SLAMF7: variants seen among roughly 807,000 people sequenced by gnomAD.
SLAMF7 encodes the protein 19A24 protein.
Under a neutral mutation model 34.1 loss-of-function variants are expected in SLAMF7, and 26 were observed. The ratio of observed to expected loss-of-function variants is 0.76; its 90% CI spans 0.56 to 1.06. The LOEUF is 1.06. Ranked by LOEUF, SLAMF7 falls within the 50% of genes least tolerant of loss-of-function variation. SLAMF7 has a pLI of 0.00. For missense variants in SLAMF7, 399 were observed against 402.5 expected, an observed-to-expected ratio of 0.99 and a Z score of 0.07; for synonymous variants, 171 against 156.4, an observed-to-expected ratio of 1.09 and a Z score of -0.70.
chr1:160,739,322 C>G lies in SLAMF7; in HGVS notation c.21C>G (p.Cys7Trp). 1 of 1,613,910 alleles carries G rather than the reference C, an allele frequency of 6.2e-7. No homozygotes were observed. Among genetic ancestry groups the G allele is most frequent in the East Asian group, 2.2e-5 (1 of 44,876 alleles). MAGSPT[C>W]LTLIYILWQL... ...GCAATATGGCTGGTTCCCCAACATG[C>G]CTCACCCTCATCTATATCCTTTGGC... The change falls in exon 1 of 7, where the codon TGC becomes TGG. Residue 7 changes from cysteine (C) to tryptophan (W), a missense_variant. By Grantham distance (215) the Cys-to-Trp change is radical. Transcript: ENST00000368043.
chr1:160,750,505 T>G, intron 4 of SLAMF7, 82 bp downstream of exon 4: 2 of 1,515,784 alleles, frequency 1.3e-6, no homozygotes, highest in South Asian at 1.3e-5. Flanking sequence ...TAGAGCTGTG[T>G]GCCAGACTTG....
intron 1 of SLAMF7, 39 bp from the exon 2 acceptor site, chr1:160,748,155 A>T (rs1411057777): frequency 1.3e-6 from 2 of 1,592,088 alleles, no homozygotes; most frequent in East Asian, 4.5e-5. Flanking sequence ...TGACAAGGAC[A>T]GGGAATCAGG....
intron 2 of SLAMF7, among the ~76,000 whole-genome samples, chr1:160,749,046 C>CAAT (rs769358596): frequency 3.3e-4 from 51 of 152,282 alleles, no homozygotes; most frequent in Admixed American, 2.8e-3. Flanking sequence ...AATTATGAAA[C>CAAT]AATGACTCAA....
intron 1 of SLAMF7, among the ~76,000 whole-genome samples, chr1:160,739,945 T>A (rs1225246958): frequency 6.6e-6 from 1 of 152,188 alleles, no homozygotes; most frequent in Non-Finnish European, 1.5e-5. Flanking sequence ...CACCTGTCAC[T>A]GGTATTCTAG....
chr1:160,754,317 T>G lies in SLAMF7; in HGVS notation c.*1140T>G, dbSNP rs1194935519. ...AGATACAAAAATTTGCTGAGCGTGG[T>G]GGTGTGCACCTGTAATCCCAGCTAC... is the stretch of plus-strand genomic sequence containing the variant. On this transcript the variant is annotated 3_prime_UTR_variant, in exon 7 of 7. Coordinates refer to ENST00000368043, the MANE Select transcript of SLAMF7 (RefSeq NM_021181.5). The G allele has an allele frequency of 6.6e-6, 1 of 152,166 alleles. No homozygotes were observed. The highest frequency in any genetic ancestry group is 2.4e-5 in the African/African-American group (1 of 41,400). 9.4% of individuals were successfully genotyped at this position (152,166 alleles called of 1,614,324 possible).
At chr1:160,741,889 C>T (rs1485303932) in intron 1 of SLAMF7, among the ~76,000 whole-genome samples, 1 of 152,130 alleles carries the variant, frequency 6.6e-6, no homozygotes, top group Non-Finnish European at 1.5e-5. Flanking sequence ...TGGGATTGGA[C>T]TAAGTAATCC....
Position 160,748,100 on chromosome 1 carries a change from G to T in SLAMF7, c.56-94G>T, listed in dbSNP as rs1664273821. The stretch of plus-strand genomic sequence containing the variant: ...AGGAGGTTGTTGTGTTGGACTGAGT[G>T]GGTTTCTCAGATCTCTCCAGGACCC... On this transcript the variant is annotated intron_variant, in intron 1 of 6. Transcript: ENST00000368043. The T allele has an allele frequency of 8.6e-6, 11 of 1,271,960 alleles. No individual in the cohort carries two copies. The South Asian group carries it at 1.5e-4, about 17-fold the overall frequency. The allele number at this position is 1,271,960 out of a possible 1,614,324, so 78.8% of individuals were successfully genotyped here. A position where few individuals can be genotyped will look rare whatever the true frequency, so the allele number is the denominator to read the frequency against.
intron 3 of SLAMF7, 86 bp from the exon 4 acceptor site, chr1:160,750,214 TGGGA>T: frequency 1.7e-5 from 27 of 1,581,290 alleles, no homozygotes; most frequent in Non-Finnish European, 2.2e-5. Context: ...GTCACCAGGC[TGGGA>T]GGAAGGTGGC....
intron 1 of SLAMF7, among the ~76,000 whole-genome samples, chr1:160,745,606 T>C (rs901669533): frequency 9.7e-4 from 147 of 152,220 alleles, no homozygotes; most frequent in Non-Finnish European, 7.3e-5. Context: ...AGAATAAATA[T>C]TTTAGGCTTT....
At chr1:160,750,161 C>G (rs1480206290) in intron 3 of SLAMF7, 68 bp downstream of exon 3, 1 of 1,581,818 alleles carries the variant, frequency 6.3e-7, no homozygotes, top group Non-Finnish European at 8.6e-7. Context: ...CTCCTAGCCC[C>G]CATGGGAACA....
At chr1:160,746,950 C>G (rs1401957752) in intron 1 of SLAMF7, among the ~76,000 whole-genome samples, 1 of 152,106 alleles carries the variant, frequency 6.6e-6, no homozygotes, top group African/African-American at 2.4e-5. Context: ...TTATAATGAG[C>G]AAAGGGTCAG....
In SLAMF7 at chr1:160,739,320, T is replaced by C; in HGVS notation, c.19T>C (p.Cys7Arg). The change falls in exon 1 of 7, where the codon TGC becomes CGC. Residue 7 changes from cysteine (C) to arginine (R), a missense_variant. Transcript: ENST00000368043. Reference sequence around the variant, plus strand: ...GAGCAATATGGCTGGTTCCCCAACATGCCTCACCCTCATCTATATCCTTTG... The same window carrying C: ...GAGCAATATGGCTGGTTCCCCAACACGCCTCACCCTCATCTATATCCTTTG... MAGSPT[C>R]LTLIYILWQL... is the part of the protein sequence containing the mutation. The C allele has an allele frequency of 6.2e-7, 1 of 1,613,970 alleles. No homozygotes were observed.
At position 160,749,919 on chromosome 1, in the gene SLAMF7, G is replaced by A; in HGVS notation, c.475G>A (p.Asp159Asn). Reference sequence around the variant, plus strand: ...ATGCTGCATGGAACATGGGGAAGAGGATGTGATTTATACCTGGAAGGCCCT... The same window carrying A: ...ATGCTGCATGGAACATGGGGAAGAGAATGTGATTTATACCTGGAAGGCCCT... ...LTCCMEHGEE[D>N]VIYTWKALGQ... The change falls in exon 3 of 7, where the codon GAT (aspartate) becomes AAT (asparagine). Residue 159 changes from aspartate (D) to asparagine (N), a missense_variant. By Grantham distance (23) the Asp-to-Asn change is conservative. Coordinates refer to ENST00000368043, the MANE Select transcript of SLAMF7 (RefSeq NM_021181.5). 3 of 1,614,156 alleles carry A rather than the reference G, an allele frequency of 1.9e-6. No homozygotes were observed. Among genetic ancestry groups the A allele is most frequent in the South Asian group, 1.1e-5 (1 of 91,084 alleles).
At chr1:160,749,613 G>GT (rs1664396309) in intron 2 of SLAMF7, among the ~76,000 whole-genome samples, 1 of 152,154 alleles carries the variant, frequency 6.6e-6, no homozygotes, top group Admixed American at 6.5e-5. Flanking sequence ...TTCTATTGTT[G>GT]TTATTGTTAT....
rs1252424011 is a variant in SLAMF7 at position 160,748,563 on chromosome 1, G to A, written c.376+49G>A. On this transcript the variant is annotated intron_variant, in intron 2 of 6. Transcript: ENST00000368043. Reference sequence around the variant, plus strand: ...TGGATGGCTGCCTTGGTGAGGTGGTGAGCTCCTTGACATGAGAGATGTTTA... The same window carrying A: ...TGGATGGCTGCCTTGGTGAGGTGGTAAGCTCCTTGACATGAGAGATGTTTA... 5 of 1,527,634 alleles carry A rather than the reference G, an allele frequency of 3.3e-6. No homozygotes were observed. The East Asian group carries it at 1.1e-4, about 35-fold the overall frequency. The allele number at this position is 1,527,634 out of a possible 1,614,324, so 94.6% of individuals were successfully genotyped here.
chr1:160,739,327 C>T lies in SLAMF7; in HGVS notation c.26C>T (p.Thr9Ile). MAGSPTCL[T>I]LIYILWQLTG... ...ATGGCTGGTTCCCCAACATGCCTCA[C>T]CCTCATCTATATCCTTTGGCAGCTC... Residue 9 changes from threonine to isoleucine, a missense_variant, in exon 1 of 7, where the codon ACC becomes ATC. Coordinates refer to ENST00000368043, the MANE Select transcript of SLAMF7 (RefSeq NM_021181.5). 1 of 1,613,892 alleles carries T rather than the reference C, an allele frequency of 6.2e-7. No homozygotes were observed.
intron 5 of SLAMF7, chr1:160,751,891 TATATATATATACAC>T (rs1664658728): frequency 5.1e-5 from 6 of 118,104 alleles, no homozygotes; most frequent in African/African-American, 2.0e-4. Context: ...TATATATATA[TATATATATATACAC>T]ACACATATAT....
intron 1 of SLAMF7, among the ~76,000 whole-genome samples, chr1:160,743,776 C>T (rs1467653414): frequency 6.6e-6 from 1 of 152,176 alleles, no homozygotes; most frequent in East Asian, 1.9e-4. Context: ...GCAGCCTCCA[C>T]CTTCTGGGTT....
intron 2 of SLAMF7, 87 bp downstream of exon 2, chr1:160,748,601 A>T: frequency 8.0e-7 from 1 of 1,247,916 alleles, no homozygotes; most frequent in Non-Finnish European, 1.1e-6. Flanking sequence ...CAGAGGCTGA[A>T]TAAACACTTG....
Sources: allele counts gnomAD v4.1 joint callset (sites outside exome capture counted in the v4.1 genomes callset), GRCh38; gene constraint gnomAD v4.1.1; transcripts MANE v1.5; gene names NCBI Gene and HGNC (gene_info 2026-07-23, HGNC 2026-07-21).